Variants in KAZN observed in about 807,000 individuals in gnomAD.
The protein encoded by KAZN is kazrin.
In KAZN, 40 loss-of-function variants were observed where a neutral mutation model predicts 87.4. The observed-to-expected ratio is 0.46, with a 90% confidence interval of 0.36 to 0.60. The LOEUF is 0.60. Ranked by LOEUF, KAZN falls within the 20% of genes least tolerant of loss-of-function variation. The pLI is 0.00. For synonymous variants in KAZN, 466 were observed against 458.3 expected (o/e 1.02, Z -0.22); for missense variants, 898 against 1,073.9 (o/e 0.84, Z 2.29).
intron 1 of KAZN, among the ~76,000 whole-genome samples, chr1:14,721,650 C>A (rs1643114803): frequency 6.6e-6 from 1 of 152,180 alleles, no homozygotes; most frequent in Non-Finnish European, 1.5e-5. Flanking sequence ...TGAAAGGTAT[C>A]TTGGTGATGT....
At chr1:14,232,897 C>G (rs1648003735) in intron 2 of KAZN, among the ~76,000 whole-genome samples, 1 of 152,014 alleles carries the variant, frequency 6.6e-6, no homozygotes, top group Admixed American at 6.6e-5. Context: ...GAAAATGTGG[C>G]CACATTTTTT....
intron 1 of KAZN, among the ~76,000 whole-genome samples, chr1:13,931,454 G>A (rs1398802069): frequency 1.3e-5 from 2 of 151,668 alleles, no homozygotes; most frequent in African/African-American, 4.9e-5. Context: ...AGGGGTGTGT[G>A]TGTGTGTGTG....
At chr1:14,251,643 CTTTTTTTTTT>C (rs549092023) in intron 2 of KAZN, among the ~76,000 whole-genome samples, 3 of 90,370 alleles carry the variant, frequency 3.3e-5, no homozygotes, top group African/African-American at 5.9e-5. Flanking sequence ...TTCTCCCGGA[CTTTTTTTTTT>C]TTTTTTTTTT....
intron 1 of KAZN, among the ~76,000 whole-genome samples, chr1:14,739,665 C>CTT (rs144545708): frequency 1.3e-5 from 2 of 148,430 alleles, no homozygotes; most frequent in Non-Finnish European, 3.0e-5. Flanking sequence ...CCAACTTCCC[C>CTT]TTTTTTTTTT....
At chr1:14,573,248 C>T (rs1469322818) in intron 2 of KAZN, among the ~76,000 whole-genome samples, 1 of 152,142 alleles carries the variant, frequency 6.6e-6, no homozygotes, top group Non-Finnish European at 1.5e-5. Flanking sequence ...TAATGCATAG[C>T]GCACTCATCA....
chr1:14,446,847 A>C (rs1557727437), intron 2 of KAZN, among the ~76,000 whole-genome samples: 2 of 152,104 alleles, frequency 1.3e-5, no homozygotes, highest in East Asian at 3.9e-4. Flanking sequence ...TCCCTACCCC[A>C]TATTTATTTC....
At chr1:15,022,680 G>T (rs1670801880) in intron 2 of KAZN, among the ~76,000 whole-genome samples, 2 of 152,204 alleles carry the variant, frequency 1.3e-5, no homozygotes, top group South Asian at 4.1e-4. Flanking sequence ...GGCATGGGAA[G>T]TAGCCATCAC....
At chr1:14,362,879 C>T (rs905544244) in intron 2 of KAZN, among the ~76,000 whole-genome samples, 5 of 152,108 alleles carry the variant, frequency 3.3e-5, no homozygotes, top group African/African-American at 9.7e-5. Context: ...CTATTTCATC[C>T]TTTGGAGTGA....
At position 14,401,658 on chromosome 1, in the gene KAZN, A is replaced by G. The variant is rs144413948; in HGVS notation, c.250-197325A>G. Among the ~76,000 whole-genome samples, 1,141 of 152,262 alleles carry G rather than the reference A, an allele frequency of 7.5e-3. 13 individuals are homozygous for G. The highest frequency in any genetic ancestry group is 0.025 in the African/African-American group (1,054 of 41,530). On this transcript the variant is annotated intron_variant, in intron 2 of 16. Coordinates refer to the KAZN transcript ENST00000636203. Reference sequence around the variant, plus strand: ...TGGTGAAACCCCATCTCTACAAAAAATACAAAAATTAGCCAGTCTCACAAT... The same window carrying G: ...TGGTGAAACCCCATCTCTACAAAAAGTACAAAAATTAGCCAGTCTCACAAT...
At chr1:14,978,532 G>C (rs1048812107) in intron 2 of KAZN, among the ~76,000 whole-genome samples, 3 of 152,158 alleles carry the variant, frequency 2.0e-5, no homozygotes. Flanking sequence ...AGACCGACCT[G>C]GGAAGCCCCT....
At chr1:14,839,940 C>G (rs960698901) in intron 1 of KAZN, among the ~76,000 whole-genome samples, 1 of 152,106 alleles carries the variant, frequency 6.6e-6, no homozygotes, top group African/African-American at 2.4e-5. Flanking sequence ...GAGGAAGAGC[C>G]AAATGGTCTC....
At chr1:14,382,688 T>C (rs1332092497) in intron 2 of KAZN, among the ~76,000 whole-genome samples, 2 of 147,502 alleles carry the variant, frequency 1.4e-5, no homozygotes, top group Admixed American at 6.8e-5. Flanking sequence ...ATGGTGTATA[T>C]GTGCCACATT....
At chr1:13,955,989 A>C (rs1641531612) in intron 1 of KAZN, among the ~76,000 whole-genome samples, 1 of 152,204 alleles carries the variant, frequency 6.6e-6, no homozygotes, top group Non-Finnish European at 1.5e-5. Flanking sequence ...TCTGCTCATC[A>C]TGAGCGCCCA....
At chr1:13,952,839 C>G (rs1158207375) in intron 1 of KAZN, among the ~76,000 whole-genome samples, 1 of 152,160 alleles carries the variant, frequency 6.6e-6, no homozygotes, top group Non-Finnish European at 1.5e-5. Flanking sequence ...CTTGGGATGT[C>G]CCTATCCCTC....
chr1:14,507,974 T>TAAA lies in KAZN; in HGVS notation c.250-91008_250-91006dup, dbSNP rs1196812576. On this transcript the variant is annotated intron_variant, in intron 2 of 16. Transcript: ENST00000636203. The stretch of plus-strand genomic sequence containing the variant: ...AGAGCGAGACTCGGTCTCCAAAAAA[T>TAAA]AAATAAAAAAAAAAAAAATGTGACG... Among the ~76,000 whole-genome samples, 144 of 88,044 alleles carry TAAA rather than the reference T, an allele frequency of 1.6e-3. No individual in the cohort carries two copies. In the East Asian group the frequency reaches 0.024, roughly 15 times the overall value. 57.8% of individuals were successfully genotyped at this position (88,044 alleles called of 152,430 possible).
At chr1:14,870,569 G>A (rs1207856543) in intron 1 of KAZN, among the ~76,000 whole-genome samples, 2 of 152,150 alleles carry the variant, frequency 1.3e-5, no homozygotes, top group East Asian at 3.9e-4. Flanking sequence ...TCAAACTCCT[G>A]ACCTCAAGTG....
rs1482004472 is a variant in KAZN at position 14,184,680 on chromosome 1, A to G, written c.249+4088A>G. Among the ~76,000 whole-genome samples the G allele has an allele frequency of 6.6e-6, 1 of 152,166 alleles. No homozygotes were observed. The highest frequency in any genetic ancestry group is 1.9e-4 in the East Asian group (1 of 5,186). On this transcript the variant is annotated intron_variant, in intron 2 of 16. Coordinates refer to the KAZN transcript ENST00000636203. This position sits in a 1 kb window ranked among gnomAD's most constrained non-coding sequence, Gnocchi z 4.2. ...TGTGCTTTCCAATTGGTTTCTGGCA[A>G]AACTGGGCCGATTGAACATGATCAG... is the stretch of plus-strand genomic sequence containing the variant.
intron 1 of KAZN, among the ~76,000 whole-genome samples, chr1:13,930,690 C>A (rs1049608922): frequency 2.6e-5 from 4 of 152,198 alleles, no homozygotes; most frequent in African/African-American, 7.2e-5. Flanking sequence ...GCATAAAAGT[C>A]ACTGACTTAG....
At chr1:14,537,112 C>T (rs1453726886) in intron 2 of KAZN, among the ~76,000 whole-genome samples, 1 of 152,170 alleles carries the variant, frequency 6.6e-6, no homozygotes, top group Non-Finnish European at 1.5e-5. Context: ...TTTTCTTATG[C>T]TGATGGATAA....
Sources: gnomAD v4.1 joint callset for allele counts (sites outside exome capture counted in the v4.1 genomes callset) on GRCh38, gnomAD v4.1.1 for gene constraint, Gnocchi (gnomAD v3.1) non-coding constraint, MANE v1.5 for transcripts, NCBI Gene and HGNC (gene_info 2026-07-23, HGNC 2026-07-21) for gene names.